Variants in ZSCAN31 observed in about 807,000 individuals in gnomAD.
ZSCAN31 encodes the protein zinc finger and SCAN domain-containing protein 31.
In ZSCAN31, 14 loss-of-function variants were observed where a neutral mutation model predicts 22.5. The observed-to-expected ratio is 0.62, with a 90% confidence interval of 0.41 to 0.97. ZSCAN31 has a LOEUF of 0.97. ZSCAN31 is among the 50% of genes least tolerant of loss of function. ZSCAN31 has a pLI of 0.00. For synonymous variants in ZSCAN31, 168 were observed against 169.8 expected (o/e 0.99, Z 0.08); for missense variants, 424 against 483.4 (o/e 0.88, Z 1.15).
chr6:28,346,905 T>C (rs1346497429), intron 2 of ZSCAN31, among the ~76,000 whole-genome samples: 1 of 152,218 alleles, frequency 6.6e-6, no homozygotes, highest in Non-Finnish European at 1.5e-5. Context: ...ATAAATTTCC[T>C]CAGAAAGAAA....
At chr6:28,346,567 G>A (rs1276850844) in intron 2 of ZSCAN31, among the ~76,000 whole-genome samples, 2 of 151,934 alleles carry the variant, frequency 1.3e-5, no homozygotes, top group Non-Finnish European at 2.9e-5. Flanking sequence ...ATGTTGTCCA[G>A]GCTAGTCTTG....
chr6:28,344,431 C>T (rs1764551487), intron 2 of ZSCAN31, among the ~76,000 whole-genome samples: 1 of 152,132 alleles, frequency 6.6e-6, no homozygotes, highest in Admixed American at 6.5e-5. Context: ...GACTAGAGGA[C>T]AGATAAGCTT....
In ZSCAN31 at chr6:28,349,924, G is replaced by C. The variant is rs1162500279; in HGVS notation, c.-371+3938C>G. 1 of 152,260 alleles carries C rather than the reference G, an allele frequency of 6.6e-6. No individual in the cohort carries two copies. The highest frequency in any genetic ancestry group is 2.4e-5 in the African/African-American group (1 of 41,472). The allele number at this position is 152,260 out of a possible 1,614,324, so 9.4% of individuals were successfully genotyped here. A position where few individuals can be genotyped will look rare whatever the true frequency, so the allele number is the denominator to read the frequency against. ...CTAGAGAGGCCCGGAAGTGGCTTCT[G>C]TGCCCCGCCCTGCGGGTGGTTTGCT... On this transcript the variant is annotated intron_variant, in intron 2 of 7. Coordinates refer to the ZSCAN31 transcript ENST00000396838. This position sits in a 1 kb window ranked among gnomAD's most constrained non-coding sequence, Gnocchi z 4.1.
In ZSCAN31 at chr6:28,349,080, T is replaced by A. The variant is rs1428405898; in HGVS notation, c.-371+4782A>T. Among the ~76,000 whole-genome samples the A allele has an allele frequency of 6.9e-6, 1 of 144,584 alleles. No individual in the cohort carries two copies. Among genetic ancestry groups the A allele is most frequent in the Non-Finnish European group, 1.5e-5 (1 of 66,376 alleles). The allele number at this position is 144,584 out of a possible 152,430, so 94.9% of individuals were successfully genotyped here. A position where few individuals can be genotyped will look rare whatever the true frequency, so the allele number is the denominator to read the frequency against. On this transcript the variant is annotated intron_variant, in intron 2 of 7. Transcript: ENST00000396838. This position sits in a 1 kb window ranked among gnomAD's most constrained non-coding sequence, Gnocchi z 4.1. ...TCTCATATACATAGGTGTATATACA[T>A]GTCTCATATACATAGGTGTATATAC...
rs186974188 is a variant in ZSCAN31, at chr6:28,333,163, G to C, written c.-96+2919C>G. 8.0e-3 allele frequency among the ~76,000 whole-genome samples: 1,213 copies of C among 152,294 alleles called. 20 individuals are homozygous for C. The highest frequency in any genetic ancestry group is 0.026 in the African/African-American group (1,092 of 41,538). On this transcript the variant is annotated intron_variant, in intron 1 of 3. Transcript: ENST00000344279. The surrounding 1 kb of genome is among the most constrained non-coding windows in gnomAD (Gnocchi z 4.1). ...TCACTGTTTCATTCCAGGACCTGCA[G>C]TGGACTTCCACACTCATGAAAGGGA...
At chr6:28,332,279 A>G (rs925171175) in intron 1 of ZSCAN31, 20 of 152,246 alleles carry the variant, frequency 1.3e-4, no homozygotes, top group Non-Finnish European at 2.8e-4. Context: ...AGAAGTCTGG[A>G]CTTACCACAA....
chr6:28,338,784 T>C (rs1764298895), upstream of ZSCAN31, among the ~76,000 whole-genome samples: 2 of 152,242 alleles, frequency 1.3e-5, no homozygotes, highest in African/African-American at 4.8e-5. Flanking sequence ...GTTAATTTCA[T>C]AATTTAAATT....
At chr6:28,353,558 A>C (rs1029143313) in intron 2 of ZSCAN31, 1 of 226,782 alleles carries the variant, frequency 4.4e-6, no homozygotes, top group African/African-American at 2.3e-5. Flanking sequence ...GTTTCTAGAT[A>C]ATACCATACT....
upstream of ZSCAN31, among the ~76,000 whole-genome samples, chr6:28,338,488 A>G (rs1031776584): frequency 2.6e-5 from 4 of 152,104 alleles, no homozygotes; most frequent in Non-Finnish European, 2.9e-5. Context: ...GAGACAGAAC[A>G]GGGTCTCGTT....
At chr6:28,346,340 A>ATTTTTTTTTT (rs1764639201) in intron 2 of ZSCAN31, among the ~76,000 whole-genome samples, 2 of 88,602 alleles carry the variant, frequency 2.3e-5, no homozygotes, top group African/African-American at 1.2e-4. Context: ...CCTCAGTACA[A>ATTTTTTTTTT]TCTTTTTTTT....
intron 1 of ZSCAN31, 162 bp downstream of exon 1, chr6:28,335,920 A>G (rs1224541113): frequency 6.6e-6 from 1 of 152,344 alleles, no homozygotes; most frequent in Non-Finnish European, 1.5e-5. Context: ...AATCTTCAGG[A>G]TAAGGGGCGG....
chr6:28,338,086 AAAC>A (rs71548318), upstream of ZSCAN31, among the ~76,000 whole-genome samples: 15,384 of 144,000 alleles, frequency 0.11, 861 homozygotes, highest in African/African-American at 0.17. Flanking sequence ...AAAAGAAAAA[AAAC>A]AAAAATGGAG....
At chr6:28,337,924 C>T (rs1764258837), upstream of ZSCAN31, 1 of 151,960 alleles carries the variant, frequency 6.6e-6, no homozygotes, top group Non-Finnish European at 1.5e-5. Context: ...TATCCAGGCA[C>T]AGTTACTCAT....
chr6:28,340,226 T>A (rs1764360426), upstream of ZSCAN31, among the ~76,000 whole-genome samples: 1 of 152,246 alleles, frequency 6.6e-6, no homozygotes, highest in Non-Finnish European at 1.5e-5. Flanking sequence ...GTTGCATATT[T>A]AACAATTTAC....
chr6:28,356,166 C>T (rs1397440269), upstream of ZSCAN31: 1 of 152,246 alleles, frequency 6.6e-6, no homozygotes, highest in Non-Finnish European at 1.5e-5. Flanking sequence ...AAGCCTGGCA[C>T]CTGGGTCAGT....
chr6:28,336,876 T>C (rs1404618598), upstream of ZSCAN31: 3 of 152,142 alleles, frequency 2.0e-5, no homozygotes, highest in African/African-American at 7.2e-5. Flanking sequence ...GAATACAGAG[T>C]TGTTTTTGTT....
chr6:28,347,114 GCTC>G lies in ZSCAN31; in HGVS notation c.-370-5325_-370-5323del, dbSNP rs945998703. ...TCTTAAGGACTGTCCCATCCCTTGA[GCTC>G]CTGAGAGGATCAGCTGGAGCCTCTC... is the stretch of plus-strand genomic sequence containing the variant. On this transcript the variant is annotated intron_variant, in intron 2 of 7. Transcript: ENST00000396838. The surrounding 1 kb of genome is among the most constrained non-coding windows in gnomAD (Gnocchi z 5.2). 1.3e-5 allele frequency among the ~76,000 whole-genome samples: 2 copies of G among 152,146 alleles called. No homozygotes were observed. Among genetic ancestry groups the G allele is most frequent in the Non-Finnish European group, 2.9e-5 (2 of 68,018 alleles).
intron 2 of ZSCAN31, among the ~76,000 whole-genome samples, chr6:28,346,711 G>A (rs1200677781): frequency 2.6e-5 from 4 of 152,034 alleles, no homozygotes; most frequent in South Asian, 2.1e-4. Flanking sequence ...ACAATTGAGA[G>A]GAACATAGTT....
chr6:28,355,445 T>G (rs889682685), upstream of ZSCAN31: 1 of 152,182 alleles, frequency 6.6e-6, no homozygotes, highest in Admixed American at 6.5e-5. Flanking sequence ...GGAGCTCAGC[T>G]CCCTTCCAAA....
Sources: allele counts gnomAD v4.1 joint callset (sites outside exome capture counted in the v4.1 genomes callset), GRCh38; gene constraint gnomAD v4.1.1; non-coding constraint Gnocchi (gnomAD v3.1); transcripts MANE v1.5; gene names NCBI Gene and HGNC (gene_info 2026-07-23, HGNC 2026-07-21).